The following KLHDC4 variants were observed in gnomAD, a reference collection of about 807,000 sequenced individuals.
KLHDC4 encodes kelch domain containing 4, also known as kelch domain-containing protein 4.
KLHDC4 carries 90 observed loss-of-function variants against 62.4 expected under a neutral mutation model. The ratio of observed to expected loss-of-function variants is 1.44; its 90% CI spans 1.22 to 1.72. The LOEUF (loss-of-function observed/expected upper bound fraction) is 1.72, where lower values mean the gene tolerates loss of function less well. Ranked by LOEUF, KLHDC4 falls within the 40% of genes most tolerant of loss-of-function variation. KLHDC4 has a pLI of 0.00. For missense variants in KLHDC4, 1,025 were observed against 699.7 expected, an observed-to-expected ratio of 1.47 and a Z score of -5.25; for synonymous variants, 386 against 284.4, an observed-to-expected ratio of 1.36 and a Z score of -3.59.
At chr16:87,756,526 C>G (rs1421963113) in intron 2 of KLHDC4, 49 bp from the exon 3 acceptor site, 2 of 1,354,272 alleles carry the variant, frequency 1.5e-6, no homozygotes, top group Non-Finnish European at 2.1e-6. Flanking sequence ...CCGATACCCA[C>G]CTGAGCGCTG....
chr16:87,712,247 G>C (rs1255919168), intron 8 of KLHDC4, among the ~76,000 whole-genome samples: 1 of 152,124 alleles, frequency 6.6e-6, no homozygotes, highest in Non-Finnish European at 1.5e-5. Context: ...CTAGGAGACA[G>C]AATGGAGATT....
chr16:87,737,127 A>AAG, intron 5 of KLHDC4, among the ~76,000 whole-genome samples: 1 of 151,114 alleles, frequency 6.6e-6, no homozygotes, highest in East Asian at 1.9e-4. Flanking sequence ...AAAAAAAAAA[A>AAG]AAGATAAGAA....
intron 6 of KLHDC4, 78 bp from the exon 7 acceptor site, chr16:87,727,002 T>C: frequency 6.7e-7 from 1 of 1,489,584 alleles, no homozygotes; most frequent in Non-Finnish European, 9.3e-7. Context: ...CTGATTTAAA[T>C]TAAAGGTAAA....
At chr16:87,724,339 C>T (rs559182342) in intron 7 of KLHDC4, among the ~76,000 whole-genome samples, 37 of 152,192 alleles carry the variant, frequency 2.4e-4, no homozygotes, top group African/African-American at 7.7e-4. Context: ...TATCACAGAC[C>T]GCAATAATCA....
At chr16:87,728,794 C>G (rs998545220) in intron 6 of KLHDC4, among the ~76,000 whole-genome samples, 5 of 152,060 alleles carry the variant, frequency 3.3e-5, no homozygotes, top group Non-Finnish European at 5.9e-5. Context: ...GCCTGGCGAA[C>G]ATAGTGAAAC....
At chr16:87,758,257 T>C (rs1282004717) in intron 2 of KLHDC4, among the ~76,000 whole-genome samples, 1 of 152,244 alleles carries the variant, frequency 6.6e-6, no homozygotes, top group East Asian at 1.9e-4. Flanking sequence ...GATACCTGTA[T>C]GCAATGCTCG....
In KLHDC4 at chr16:87,709,707, C is replaced by G. The variant is rs780610775; in HGVS notation, c.1045-40G>C. 4.9e-5 allele frequency: 75 copies of G among 1,520,874 alleles called. No individual in the cohort carries two copies. The East Asian group carries it at 1.8e-3, about 36-fold the overall frequency. The allele number at this position is 1,520,874 out of a possible 1,614,324, so 94.2% of individuals were successfully genotyped here. On this transcript the variant is annotated intron_variant, in intron 9 of 11. Coordinates refer to ENST00000270583, the MANE Select transcript of KLHDC4 (RefSeq NM_017566.4). ...AGGAAGCAGAGAGCAGCAGCTTCAG[C>G]GAGGCAGGGGTCATTCCTGCTATGC...
chr16:87,711,368 G>T lies in KLHDC4; in HGVS notation c.911C>A (p.Ala304Asp), dbSNP rs534890453. 3 of 1,613,742 alleles carry T rather than the reference G, an allele frequency of 1.9e-6. No individual in the cohort carries two copies. The highest frequency in any genetic ancestry group is 2.2e-5 in the East Asian group (1 of 44,884). ...TPRSGFSVAMAPNHQTLFFGG... is the reference protein window; with the variant it reads ...TPRSGFSVAMDPNHQTLFFGG... ...GAAGAACAGTGTCTGGTGATTCGGG[G>T]CCATGGCCACGGAAAAGCCAGACCG... The change falls in exon 9 of 12, where the codon GCC becomes GAC. Residue 304 changes from alanine (A) to aspartate (D), a missense_variant. Transcript: ENST00000270583.
intron 5 of KLHDC4, among the ~76,000 whole-genome samples, chr16:87,746,865 C>CTG (rs2043116006): frequency 6.6e-6 from 1 of 152,154 alleles, no homozygotes; most frequent in Admixed American, 6.5e-5. Flanking sequence ...TTTTAATTAC[C>CTG]ATTAGCAAGC....
At chr16:87,755,540 G>C (rs766447315) in intron 3 of KLHDC4, 7 of 313,070 alleles carry the variant, frequency 2.2e-5, no homozygotes, top group South Asian at 1.9e-4. Context: ...TATTAGGACT[G>C]GTCATTCTCC....
intron 5 of KLHDC4, among the ~76,000 whole-genome samples, chr16:87,743,326 C>T (rs909934789): frequency 3.9e-5 from 6 of 152,144 alleles, no homozygotes; most frequent in Non-Finnish European, 7.4e-5. Context: ...AACTCCTGGG[C>T]TCAAGTGATG....
intron 3 of KLHDC4, chr16:87,755,591 T>G (rs2044748960): frequency 8.0e-6 from 2 of 251,130 alleles, no homozygotes; most frequent in Non-Finnish European, 1.6e-5. Context: ...TTGTTTGAGA[T>G]GAAGTCTCGC....
At chr16:87,704,704 C>CA (rs2034455775), downstream of KLHDC4, among the ~76,000 whole-genome samples, 1 of 151,974 alleles carries the variant, frequency 6.6e-6, no homozygotes, top group Non-Finnish European at 1.5e-5. Context: ...CTGCTTGTAC[C>CA]AACTCAATTA....
At chr16:87,742,586 G>C (rs771361765) in intron 5 of KLHDC4, among the ~76,000 whole-genome samples, 1 of 152,154 alleles carries the variant, frequency 6.6e-6, no homozygotes, top group East Asian at 1.9e-4. Flanking sequence ...GATAGGGATC[G>C]TGGAGAGGGT....
At chr16:87,729,155 C>T (rs972917463) in intron 6 of KLHDC4, among the ~76,000 whole-genome samples, 9 of 152,218 alleles carry the variant, frequency 5.9e-5, no homozygotes, top group African/African-American at 2.2e-4. Context: ...TCCCTTTTCC[C>T]CCCGAATTCA....
intron 4 of KLHDC4, among the ~76,000 whole-genome samples, chr16:87,753,070 G>A (rs956403055): frequency 1.3e-5 from 2 of 152,226 alleles, no homozygotes; most frequent in Non-Finnish European, 2.9e-5. Context: ...GGCAGGGCAG[G>A]TGGTCTTGCA....
intron 4 of KLHDC4, among the ~76,000 whole-genome samples, chr16:87,752,425 G>A (rs949172888): frequency 2.1e-4 from 31 of 148,462 alleles, no homozygotes; most frequent in Admixed American, 2.0e-4. Flanking sequence ...AACCTCCAAC[G>A]CCCCTGGTTC....
At chr16:87,732,364 G>C (rs7190655) in intron 5 of KLHDC4, among the ~76,000 whole-genome samples, 28,201 of 152,006 alleles carry the variant, frequency 0.19, 2,749 homozygotes, top group South Asian at 0.31. Flanking sequence ...CCAAAGTGCT[G>C]GGATTACAGG....
intron 2 of KLHDC4, among the ~76,000 whole-genome samples, chr16:87,760,379 G>A (rs796384848): frequency 4.7e-5 from 7 of 149,228 alleles, no homozygotes; most frequent in African/African-American, 9.8e-5. Flanking sequence ...AGGCTGAGGC[G>A]GGCGGATCAC....
Sources: allele counts gnomAD v4.1 joint callset (sites outside exome capture counted in the v4.1 genomes callset), GRCh38; gene constraint gnomAD v4.1.1; transcripts MANE v1.5; gene names NCBI Gene and HGNC (gene_info 2026-07-23, HGNC 2026-07-21).